Variants in SHPRH observed in about 807,000 individuals in gnomAD.
The protein encoded by SHPRH is SNF2 histone linker PHD RING helicase.
In SHPRH, 106 loss-of-function variants were observed where a neutral mutation model predicts 202.5. That is an observed-to-expected ratio of 0.52 (90% CI 0.45 to 0.62). The LOEUF (loss-of-function observed/expected upper bound fraction) is 0.62. SHPRH is among the 20% of genes least tolerant of loss of function. SHPRH has a pLI of 0.00. For missense variants in SHPRH, 1,710 were observed against 2,020.0 expected (o/e 0.85, Z 2.94); for synonymous variants, 729 against 686.0 (o/e 1.06, Z -0.98).
chr6:145,949,059 A>C (rs1382159772), intron 4 of SHPRH, among the ~76,000 whole-genome samples: 1 of 152,054 alleles, frequency 6.6e-6, no homozygotes, highest in African/African-American at 2.4e-5. Context: ...AAATTCAAAA[A>C]ACTATGGATG....
chr6:145,923,910 C>G lies in SHPRH; in HGVS notation c.3403-125G>C, dbSNP rs77629300. ...TAAATGCTATTCTCAAAGGGACTAT[C>G]ACAGAGGGGAGACGAGTATACATAT... On this transcript the variant is annotated intron_variant, in intron 17 of 29. Transcript: ENST00000275233. The G allele has an allele frequency of 2.3e-3, 2,101 of 916,896 alleles. 25 individuals carry two copies. The African/African-American group carries it at 0.03, about 13-fold the overall frequency. 56.8% of individuals were successfully genotyped at this position (916,896 alleles called of 1,614,324 possible). A position where few individuals can be genotyped will look rare whatever the true frequency, so the allele number is the denominator to read the frequency against.
intron 2 of SHPRH, among the ~76,000 whole-genome samples, chr6:145,952,731 G>A (rs1385369026): frequency 6.6e-6 from 1 of 151,958 alleles, no homozygotes; most frequent in Non-Finnish European, 1.5e-5. Flanking sequence ...ATCGAACCTG[G>A]GAGAATGTGA....
chr6:145,899,812 G>GA (rs1220450906), intron 25 of SHPRH, among the ~76,000 whole-genome samples: 3 of 151,948 alleles, frequency 2.0e-5, no homozygotes, highest in East Asian at 1.9e-4. Context: ...TCAACAGCAA[G>GA]AAAACAACCT....
Position 145,941,565 on chromosome 6 carries a change from C to T in SHPRH, c.2490+58G>A. ...TAAACTATTAAACTACTCAAGGTCC[C>T]CTAATTCCTTTTCACCCTTCTTCCC... On this transcript the variant is annotated intron_variant, in intron 10 of 29. Transcript: ENST00000275233. The T allele has an allele frequency of 3.1e-6, 5 of 1,597,166 alleles. No homozygotes were observed. The South Asian group carries it at 5.6e-5, about 18-fold the overall frequency.
chr6:145,870,380 G>A (rs879557917), intron 2 of SHPRH, among the ~76,000 whole-genome samples: 1 of 150,662 alleles, frequency 6.6e-6, no homozygotes, highest in African/African-American at 2.4e-5. Context: ...TCCTGCCTCA[G>A]CCTCCTGAGT....
At chr6:145,891,979 C>A (rs1562288943) in intron 28 of SHPRH, among the ~76,000 whole-genome samples, 1 of 152,110 alleles carries the variant, frequency 6.6e-6, no homozygotes, top group African/African-American at 2.4e-5. Context: ...TATGTTAGAA[C>A]AAGCCCGCAT....
In SHPRH at chr6:145,921,263, T is replaced by C; in HGVS notation, c.3912A>G (p.Ile1304Met). ...ACCTATGTGATTTTGCAAATGATAG[T>C]ATTGCTTTCATAGATCGCTCTGTCT... ...ISETERSMKAILSFAKSHRFD... is the reference protein window; with the variant it reads ...ISETERSMKAMLSFAKSHRFD... The change falls in exon 21 of 30, where the codon ATA becomes ATG. Residue 1304 changes from isoleucine to methionine, a missense_variant. Coordinates refer to ENST00000275233, the MANE Select transcript of SHPRH (RefSeq NM_001042683.3). 2 of 1,612,940 alleles carry C rather than the reference T, an allele frequency of 1.2e-6. No homozygotes were observed. Among genetic ancestry groups the C allele is most frequent in the Non-Finnish European group, 1.7e-6 (2 of 1,179,344 alleles).
intron 2 of SHPRH, among the ~76,000 whole-genome samples, chr6:145,868,540 T>G (rs1297903087): frequency 6.6e-6 from 1 of 152,230 alleles, no homozygotes; most frequent in Non-Finnish European, 1.5e-5. Flanking sequence ...GAAGTTTTAA[T>G]AGGTCACTTG....
chr6:145,909,564 G>A (rs1044117959), intron 25 of SHPRH: 3 of 152,100 alleles, frequency 2.0e-5, no homozygotes, highest in Admixed American at 6.6e-5. Flanking sequence ...TACTGGTAGT[G>A]AATTTCAACT....
intron 19 of SHPRH, 129 bp downstream of exon 19, chr6:145,922,534 C>T (rs1255989432): frequency 8.0e-7 from 1 of 1,253,262 alleles, no homozygotes. Context: ...TAGATTAATA[C>T]ATCTCTTTCT....
In SHPRH at chr6:145,954,990, G is replaced by A. The variant is rs770509713; in HGVS notation, c.333C>T (p.Ser111=). The A allele has an allele frequency of 5.6e-6, 9 of 1,613,720 alleles. No individual in the cohort carries two copies. In the South Asian group the frequency reaches 8.8e-5, roughly 16 times the overall value. Residue 111 remains serine (S), a synonymous_variant, in exon 2 of 30, where the codon TCC becomes TCT. Transcript: ENST00000275233. The part of the protein sequence containing the change: ...IVISPYHFDN[S]WKAFLGELTL... ...TTAATTCTCCTAGAAATGCTTTCCA[G>A]GAATTATCAAAATGATAGGGAGAAA...
intron 21 of SHPRH, 92 bp from the exon 22 acceptor site, chr6:145,919,583 T>C (rs1784249812): frequency 1.4e-6 from 2 of 1,446,004 alleles, no homozygotes. Context: ...AAGTCTTCAA[T>C]GAGATCTTAC....
chr6:145,868,907 TTAAA>T (rs1463553328), intron 2 of SHPRH, among the ~76,000 whole-genome samples: 15 of 152,234 alleles, frequency 9.9e-5, no homozygotes, highest in African/African-American at 3.1e-4. Flanking sequence ...TTTATTATTC[TTAAA>T]TAATAATGCC....
At position 145,933,038 on chromosome 6, in the gene SHPRH, T is replaced by C. The variant is rs1393270916; in HGVS notation, c.3112+19A>G. ...AGGAAGTGTTTGAAAGAATCAGAGA[T>C]AAAGCAATCACCTTCTACCTTTAAT... On this transcript the variant is annotated intron_variant, in intron 14 of 29. Transcript: ENST00000275233. 1 of 1,609,946 alleles carries C rather than the reference T, an allele frequency of 6.2e-7. No homozygotes were observed.
intron 1 of SHPRH, among the ~76,000 whole-genome samples, chr6:145,958,172 G>A (rs1407868046): frequency 6.6e-6 from 1 of 152,126 alleles, no homozygotes. Context: ...ATAAAGAGGT[G>A]ACTGACAGTA....
chr6:145,928,153 G>A (rs931680082), intron 14 of SHPRH, among the ~76,000 whole-genome samples: 2 of 151,954 alleles, frequency 1.3e-5, no homozygotes, highest in Non-Finnish European at 2.9e-5. Flanking sequence ...GGCTGCTGTT[G>A]TACTACAACA....
chr6:145,874,929 A>G (rs751274112), intron 2 of SHPRH, among the ~76,000 whole-genome samples: 2 of 152,202 alleles, frequency 1.3e-5, no homozygotes, highest in African/African-American at 2.4e-5. Context: ...CAAATTAAAC[A>G]TATCGATTTT....
At chr6:145,958,893 C>T (rs1236931463) in intron 1 of SHPRH, among the ~76,000 whole-genome samples, 1 of 152,112 alleles carries the variant, frequency 6.6e-6, no homozygotes, top group Non-Finnish European at 1.5e-5. Context: ...AGTGCAGTGG[C>T]GTGATCTCTG....
chr6:145,954,721 T>C lies in SHPRH; in HGVS notation c.602A>G (p.Tyr201Cys), dbSNP rs1442655741. Residue 201 changes from tyrosine (Y) to cysteine (C), a missense_variant, in exon 2 of 30, where the codon TAT becomes TGT. Physicochemically the swap from Tyr to Cys is radical, Grantham distance 194. Around this residue, in one of 8 missense-constraint regions of SHPRH, gnomAD observed 459 missense variants for 426.5 expected, o/e 1.08. Transcript: ENST00000275233. ...AATGTGATTTCCTTCTGGTTTCTGA[T>C]AGAGTTTTATTCTTCTCTTCTTTTG... ...WLQKKRRIKL[Y>C]QKPEGNHIIK... 3 of 1,593,390 alleles carry C rather than the reference T, an allele frequency of 1.9e-6. No individual in the cohort carries two copies. Among genetic ancestry groups the C allele is most frequent in the South Asian group, 1.2e-5 (1 of 86,512 alleles).
Sources: allele counts gnomAD v4.1 joint callset (sites outside exome capture counted in the v4.1 genomes callset), GRCh38; gene constraint gnomAD v4.1.1; regional missense constraint gnomAD v4.1.1; transcripts MANE v1.5; gene names NCBI Gene and HGNC (gene_info 2026-07-23, HGNC 2026-07-21).